The following C8orf89 variants were observed in gnomAD, a reference collection of about 807,000 sequenced individuals.
C8orf89 encodes the protein putative uncharacterized protein C8orf89.
In C8orf89, 14 loss-of-function variants were observed where a neutral mutation model predicts 15.8. That is an observed-to-expected ratio of 0.89 (90% CI 0.59 to 1.39). The LOEUF (loss-of-function observed/expected upper bound fraction) is 1.39, where lower values mean the gene tolerates loss of function less well. Ranked by LOEUF, C8orf89 falls within the 40% of genes most tolerant of loss-of-function variation. The pLI, the probability that C8orf89 is intolerant of heterozygous loss-of-function variation, is 0.00. For synonymous variants in C8orf89, 55 were observed against 62.2 expected (o/e 0.88, Z 0.54); for missense variants, 181 against 184.5 (o/e 0.98, Z 0.11).
chr8:73,277,303 C>G, the C8orf89 span: 1 of 611,698 alleles, frequency 1.6e-6, no homozygotes, highest in South Asian at 2.4e-5. Flanking sequence ...AGCAACACAT[C>G]CAATGAACGC....
chr8:73,258,021 T>C (rs533190114), intron 1 of C8orf89, among the ~76,000 whole-genome samples: 2 of 152,228 alleles, frequency 1.3e-5, no homozygotes, highest in South Asian at 4.2e-4. Flanking sequence ...CTGAGTACCT[T>C]TAATGGAAAC....
the C8orf89 span, among the ~76,000 whole-genome samples, chr8:73,266,649 C>G: frequency 2.0e-5 from 3 of 152,024 alleles, no homozygotes; most frequent in South Asian, 2.1e-4. Context: ...GATTTAAGAT[C>G]AATAAGATTA....
chr8:73,251,881 C>A lies in C8orf89; in HGVS notation c.282-1558G>T, dbSNP rs554864926. On this transcript the variant is annotated intron_variant, in intron 2 of 3. Transcript: ENST00000624510. ...GCAGCCCTGCACACTCCTACCTCCT[C>A]CCCAAAGGGCACTGTGACCCTTGAT... 5.9e-5 allele frequency among the ~76,000 whole-genome samples: 9 copies of A among 152,322 alleles called. No individual in the cohort carries two copies. In the East Asian group the frequency reaches 1.7e-3, roughly 29 times the overall value.
chr8:73,250,213 G>A, intron 3 of C8orf89, 55 bp downstream of exon 3: 1 of 1,080,206 alleles, frequency 9.3e-7, no homozygotes, highest in South Asian at 1.5e-5. Flanking sequence ...TTTAAAAAAA[G>A]ATAAGGTATA....
chr8:73,260,151 A>G (rs191335084), upstream of C8orf89, among the ~76,000 whole-genome samples: 71 of 152,364 alleles, frequency 4.7e-4, no homozygotes, highest in Admixed American at 3.7e-3. Context: ...TTTTATGCCA[A>G]GAATTACATA....
At chr8:73,268,538 T>A in the C8orf89 span, among the ~76,000 whole-genome samples, 1 of 151,920 alleles carries the variant, frequency 6.6e-6, no homozygotes, top group Non-Finnish European at 1.5e-5. Flanking sequence ...GAACTTTGCA[T>A]GAATTGCTTT....
intron 3 of C8orf89, among the ~76,000 whole-genome samples, chr8:73,243,252 C>T (rs1233484428): frequency 6.6e-6 from 1 of 152,034 alleles, no homozygotes; most frequent in Non-Finnish European, 1.5e-5. Context: ...GATAGCACAA[C>T]AGGGCAATTA....
At chr8:73,283,372 G>A in the C8orf89 span, among the ~76,000 whole-genome samples, 1 of 152,178 alleles carries the variant, frequency 6.6e-6, no homozygotes, top group African/African-American at 2.4e-5. Context: ...TTCAGACCCT[G>A]CAAAGAACCC....
the C8orf89 span, among the ~76,000 whole-genome samples, chr8:73,276,306 A>G: frequency 2.6e-5 from 4 of 151,334 alleles, no homozygotes; most frequent in African/African-American, 9.7e-5. Context: ...CCTCCCAAGT[A>G]GCTGGGATCA....
the C8orf89 span, among the ~76,000 whole-genome samples, chr8:73,268,245 C>A: frequency 1.3e-5 from 2 of 151,926 alleles, no homozygotes; most frequent in Admixed American, 6.6e-5. Flanking sequence ...TTTGGGAGGC[C>A]GAGGCAGGCA....
chr8:73,260,982 T>C (rs1813515557), upstream of C8orf89, among the ~76,000 whole-genome samples: 1 of 152,172 alleles, frequency 6.6e-6, no homozygotes, highest in Admixed American at 6.5e-5. Context: ...CTTTCTCCCA[T>C]GCTGGATGCT....
intron 2 of C8orf89, among the ~76,000 whole-genome samples, chr8:73,250,968 A>T (rs1319739017): frequency 2.5e-5 from 3 of 120,702 alleles, no homozygotes; most frequent in South Asian, 2.4e-4. Context: ...AAGGCTAATT[A>T]AAAAAAAAAA....
At chr8:73,277,892 A>G in the C8orf89 span, 2 of 688,916 alleles carry the variant, frequency 2.9e-6, no homozygotes, top group Non-Finnish European at 5.5e-6. Context: ...TTTCAGGTCT[A>G]TATCCTCCAG....
the C8orf89 span, among the ~76,000 whole-genome samples, chr8:73,284,915 C>T: frequency 2.6e-5 from 4 of 152,122 alleles, no homozygotes; most frequent in Admixed American, 2.0e-4. Flanking sequence ...CTGGAGACTC[C>T]AGTTTTTATG....
the C8orf89 span, among the ~76,000 whole-genome samples, chr8:73,268,420 AG>A: frequency 6.6e-6 from 1 of 152,038 alleles, no homozygotes; most frequent in African/African-American, 2.4e-5. Context: ...CAGAGGTTGC[AG>A]TGAGCCGAGA....
At chr8:73,259,833 T>C (rs2130292875), upstream of C8orf89, among the ~76,000 whole-genome samples, 1 of 152,088 alleles carries the variant, frequency 6.6e-6, no homozygotes, top group Non-Finnish European at 1.5e-5. Flanking sequence ...AGAAGGAAAA[T>C]CAATCACTTA....
chr8:73,252,938 G>A (rs1813279771), intron 2 of C8orf89, among the ~76,000 whole-genome samples: 1 of 151,964 alleles, frequency 6.6e-6, no homozygotes, highest in Admixed American at 6.5e-5. Flanking sequence ...TCAGAAGATC[G>A]ACACCATCCT....
At position 73,257,665 on chromosome 8, in the gene C8orf89, A is replaced by G. The variant is rs568612258; in HGVS notation, c.128-539T>C. 5.3e-5 allele frequency among the ~76,000 whole-genome samples: 8 copies of G among 152,326 alleles called. 1 individual carries two copies. The highest frequency in any genetic ancestry group is 1.9e-4 in the African/African-American group (8 of 41,580). ...TTGAAGCATCAAGATTGTTTCTTCTACTAACCTCACATATCCATTGCACAG... is the reference window on the plus strand; with the variant it reads ...TTGAAGCATCAAGATTGTTTCTTCTGCTAACCTCACATATCCATTGCACAG... On this transcript the variant is annotated intron_variant, in intron 1 of 3. Coordinates refer to ENST00000624510, the MANE Select transcript of C8orf89 (RefSeq NM_001243237.3).
chr8:73,259,192 A>G (rs1011701772), intron 1 of C8orf89, 140 bp downstream of exon 1: 4 of 545,360 alleles, frequency 7.3e-6, no homozygotes, highest in African/African-American at 5.9e-5. Context: ...GTTTGCTTCC[A>G]TTTTTCTTTT....
Sources: gnomAD v4.1 joint callset for allele counts (sites outside exome capture counted in the v4.1 genomes callset) on GRCh38, gnomAD v4.1.1 for gene constraint, MANE v1.5 for transcripts, NCBI Gene and HGNC (gene_info 2026-07-23, HGNC 2026-07-21) for gene names.